The following DIAPH3 variants were observed in gnomAD, a reference collection of about 807,000 sequenced individuals.
DIAPH3 encodes the protein diaphanous related formin 3, also known as protein diaphanous homolog 3.
DIAPH3 carries 117 observed loss-of-function variants against 144.3 expected under a neutral mutation model. That is an observed-to-expected ratio of 0.81 (90% CI 0.70 to 0.95). The LOEUF is 0.95. DIAPH3 is among the 40% of genes least tolerant of loss of function. The pLI, the probability that DIAPH3 is intolerant of heterozygous loss-of-function variation, is 0.00. For missense variants in DIAPH3, 1,421 were observed against 1,412.7 expected (o/e 1.01, Z -0.09); for synonymous variants, 519 against 488.9 (o/e 1.06, Z -0.81).
chr13:59,807,219 C>CATTCAGA (rs3076654), intron 25 of DIAPH3, among the ~76,000 whole-genome samples: 148,424 of 151,836 alleles, frequency 0.98, 72,633 homozygotes, highest in East Asian at 1. Context: ...AACTAAGGAC[C>CATTCAGA]ATCATCATCA....
At chr13:60,131,602 G>C (rs1192572560) in intron 2 of DIAPH3, among the ~76,000 whole-genome samples, 1 of 152,056 alleles carries the variant, frequency 6.6e-6, no homozygotes, top group Non-Finnish European at 1.5e-5. Context: ...TATACAGTCA[G>C]AAAGTAGATT....
chr13:59,915,190 T>A (rs1199904329), intron 19 of DIAPH3, among the ~76,000 whole-genome samples: 1 of 151,866 alleles, frequency 6.6e-6, no homozygotes, highest in South Asian at 2.1e-4. Context: ...TGAACGAAGA[T>A]GAAAATCCAG....
At chr13:59,694,383 T>C (rs1172784449) in intron 27 of DIAPH3, among the ~76,000 whole-genome samples, 1 of 152,200 alleles carries the variant, frequency 6.6e-6, no homozygotes, top group Non-Finnish European at 1.5e-5. Flanking sequence ...TACTCTTCAT[T>C]TGTTGCACAG....
intron 20 of DIAPH3, among the ~76,000 whole-genome samples, chr13:59,896,631 G>A (rs971180829): frequency 7.9e-5 from 12 of 152,022 alleles, no homozygotes; most frequent in Non-Finnish European, 1.3e-4. Flanking sequence ...ACATACTTCC[G>A]TAACAACTAT....
intron 12 of DIAPH3, among the ~76,000 whole-genome samples, chr13:59,984,758 C>G (rs2051283510): frequency 7.4e-6 from 1 of 135,426 alleles, no homozygotes; most frequent in Admixed American, 7.7e-5. Flanking sequence ...TACACTCTCC[C>G]AAGACTAAAC....
intron 27 of DIAPH3, among the ~76,000 whole-genome samples, chr13:59,683,404 C>T (rs1352433047): frequency 6.6e-6 from 1 of 151,914 alleles, no homozygotes; most frequent in Non-Finnish European, 1.5e-5. Flanking sequence ...AAAGAAAATA[C>T]ATAGAGCTGG....
intron 18 of DIAPH3, among the ~76,000 whole-genome samples, chr13:59,923,356 T>C (rs779500854): frequency 6.6e-6 from 1 of 152,132 alleles, no homozygotes; most frequent in African/African-American, 2.4e-5. Context: ...TTATCTGACA[T>C]AGTTCAAAAC....
At chr13:59,999,435 G>GT (rs986156111) in intron 9 of DIAPH3, among the ~76,000 whole-genome samples, 10 of 151,280 alleles carry the variant, frequency 6.6e-5, no homozygotes, top group South Asian at 4.2e-4. Flanking sequence ...AGATTGAAGA[G>GT]TTTTTTTTTA....
intron 1 of DIAPH3, 52 bp downstream of exon 1, chr13:60,163,535 A>G: frequency 6.3e-7 from 1 of 1,581,768 alleles, no homozygotes. Flanking sequence ...CTCGGCAGTC[A>G]GCCCTACGGC....
At chr13:59,751,636 A>G (rs1447954520) in intron 27 of DIAPH3, among the ~76,000 whole-genome samples, 1 of 152,210 alleles carries the variant, frequency 6.6e-6, no homozygotes, top group Non-Finnish European at 1.5e-5. Flanking sequence ...CTGTAATTGT[A>G]TGAAAGAAGG....
At chr13:60,099,907 AGAAGGAAGGAAGGAAGGAAGGAAGGAAG>A (rs748938775) in intron 3 of DIAPH3, among the ~76,000 whole-genome samples, 7,069 of 104,840 alleles carry the variant, frequency 0.067, 638 homozygotes, top group African/African-American at 0.24. Flanking sequence ...AGAAAGTAAG[AGAAGGAAGGAAGGAAGGAAGGAAGGAAG>A]GAAGGAAGGA....
At chr13:59,701,213 A>C (rs181348635) in intron 27 of DIAPH3, among the ~76,000 whole-genome samples, 3 of 152,340 alleles carry the variant, frequency 2.0e-5, no homozygotes, top group Admixed American at 1.3e-4. Context: ...AAACTCATAG[A>C]TACTGAATGT....
At chr13:59,977,141 C>G (rs2050723973) in intron 14 of DIAPH3, among the ~76,000 whole-genome samples, 2 of 151,820 alleles carry the variant, frequency 1.3e-5, no homozygotes, top group Middle Eastern at 3.4e-3. Flanking sequence ...AGAATATGGT[C>G]AGTGTACTTT....
chr13:59,929,554 C>CTTTTTTTT lies in DIAPH3; in HGVS notation c.2075-4692_2075-4685dup, dbSNP rs1167902415. On this transcript the variant is annotated intron_variant, in intron 17 of 27. Coordinates refer to ENST00000400324, the MANE Select transcript of DIAPH3 (RefSeq NM_001042517.2). ...TTTTTCTCCATATCTAAATTTTGTT[C>CTTTTTTTT]TTTTTTTTTTTTTTTTTTTTTTTTT... 9.5e-4 allele frequency among the ~76,000 whole-genome samples: 53 copies of CTTTTTTTT among 56,084 alleles called. 1 individual carries two copies. Among genetic ancestry groups the CTTTTTTTT allele is most frequent in the Non-Finnish European group, 1.3e-3 (37 of 29,176 alleles). The allele number at this position is 56,084 out of a possible 152,430, so 36.8% of individuals were successfully genotyped here. A position where few individuals can be genotyped will look rare whatever the true frequency, so the allele number is the denominator to read the frequency against.
chr13:60,073,799 T>A (rs993119948), intron 4 of DIAPH3, among the ~76,000 whole-genome samples: 1 of 152,218 alleles, frequency 6.6e-6, no homozygotes, highest in African/African-American at 2.4e-5. Context: ...TACAAGAATA[T>A]AAAATGAATT....
rs910473569 is a variant in DIAPH3, at chr13:60,042,311, G to A, written c.626+379C>T. ...TACAACGACATCATTTCCAACAACA[G>A]AAAAAATTAATTAGTGGTATTTCTT... On this transcript the variant is annotated intron_variant, in intron 5 of 27. Transcript: ENST00000400324. Among the ~76,000 whole-genome samples, 25 of 151,980 alleles carry A rather than the reference G, an allele frequency of 1.6e-4. 1 individual carries two copies. Among genetic ancestry groups the A allele is most frequent in the Non-Finnish European group, 2.2e-4 (15 of 67,982 alleles).
chr13:59,917,452 GGGC>G (rs2047275149), intron 18 of DIAPH3, among the ~76,000 whole-genome samples: 2 of 152,064 alleles, frequency 1.3e-5, no homozygotes, highest in South Asian at 4.1e-4. Flanking sequence ...AGATTAACAA[GGGC>G]ATCATCTGTA....
chr13:59,915,791 TATA>T (rs1196130725), intron 19 of DIAPH3, among the ~76,000 whole-genome samples: 1 of 151,992 alleles, frequency 6.6e-6, no homozygotes, highest in Non-Finnish European at 1.5e-5. Context: ...TTCTAAACCA[TATA>T]ATAATATCTT....
chr13:59,676,527 T>C (rs1195365446), intron 27 of DIAPH3, among the ~76,000 whole-genome samples: 2 of 152,236 alleles, frequency 1.3e-5, no homozygotes, highest in African/African-American at 4.8e-5. Flanking sequence ...TGATCATGAG[T>C]TGAAATTATG....
Sources: gnomAD v4.1 joint callset for allele counts (sites outside exome capture counted in the v4.1 genomes callset) on GRCh38, gnomAD v4.1.1 for gene constraint, MANE v1.5 for transcripts, NCBI Gene and HGNC (gene_info 2026-07-23, HGNC 2026-07-21) for gene names.